Variants in FAM171A1 observed in about 807,000 individuals in gnomAD.
FAM171A1 encodes family with sequence similarity 171 member A1, also known as protein FAM171A1.
A neutral mutation model predicts 74.9 loss-of-function variants in FAM171A1; 23 were observed. The ratio of observed to expected loss-of-function variants is 0.31; its 90% CI spans 0.22 to 0.44. FAM171A1 has a LOEUF of 0.44. FAM171A1 is among the 20% of genes least tolerant of loss of function. The probability of loss-of-function intolerance (pLI) is 1.00; values close to 1 mark genes in which losing one functional copy is unlikely to be tolerated. For missense variants in FAM171A1, 1,162 were observed against 1,159.2 expected (o/e 1.00, Z -0.03); for synonymous variants, 527 against 505.7 (o/e 1.04, Z -0.57).
Position 15,371,106 on chromosome 10 carries a change from G to T in FAM171A1, c.-54C>A. On this transcript the variant is annotated 5_prime_UTR_variant, in exon 1 of 8. Coordinates refer to ENST00000378116, the MANE Select transcript of FAM171A1 (RefSeq NM_001010924.2). ...GCTCGCCGAGAGCGGGCCGGGCGGC[G>T]GCGCGTCACGGGCGGCCGGGCGCCG... The T allele has an allele frequency of 1.2e-6, 1 of 831,958 alleles. No individual in the cohort carries two copies. Among genetic ancestry groups the T allele is most frequent in the Non-Finnish European group, 1.4e-6 (1 of 692,556 alleles). 51.5% of individuals were successfully genotyped at this position (831,958 alleles called of 1,614,324 possible).
intron 5 of FAM171A1, among the ~76,000 whole-genome samples, chr10:15,229,507 T>A (rs1446545535): frequency 7.0e-6 from 1 of 142,818 alleles, no homozygotes; most frequent in Non-Finnish European, 1.5e-5. Flanking sequence ...ACCAACACCA[T>A]CATCACCATT....
At chr10:15,220,004 T>C (rs1338677305) in intron 6 of FAM171A1, among the ~76,000 whole-genome samples, 1 of 152,236 alleles carries the variant, frequency 6.6e-6, no homozygotes, top group Non-Finnish European at 1.5e-5. Context: ...TCAGTTACTT[T>C]GTGAGTCTAA....
At position 15,214,099 on chromosome 10, in the gene FAM171A1, A is replaced by C. The variant is rs2131700502; in HGVS notation, c.1489T>G (p.Leu497Val). ...GSYNTVLSQP[L>V]FEKQDREGPA... The stretch of plus-strand genomic sequence containing the variant: ...CCTTCTCTGTCCTGCTTTTCAAATA[A>C]AGGCTGTGAGAGCACGGTGTTGTAA... The change falls in exon 8 of 8, where the codon TTA (leucine) becomes GTA (valine). Residue 497 changes from leucine to valine, a missense_variant. Transcript: ENST00000378116. 1.2e-6 allele frequency: 2 copies of C among 1,614,072 alleles called. No homozygotes were observed. The highest frequency in any genetic ancestry group is 1.7e-6 in the Non-Finnish European group (2 of 1,180,008).
At chr10:15,345,453 G>A (rs752441237) in intron 1 of FAM171A1, among the ~76,000 whole-genome samples, 1 of 152,210 alleles carries the variant, frequency 6.6e-6, no homozygotes, top group Non-Finnish European at 1.5e-5. Flanking sequence ...AACACCTGAT[G>A]CTTTAGGAAG....
intron 1 of FAM171A1, among the ~76,000 whole-genome samples, chr10:15,359,755 T>A (rs186098341): frequency 6.6e-6 from 1 of 152,116 alleles, no homozygotes; most frequent in Admixed American, 6.5e-5. Flanking sequence ...CAACTGGACA[T>A]GCAGGAGGCC....
intron 1 of FAM171A1, among the ~76,000 whole-genome samples, chr10:15,329,928 A>C (rs71485560): frequency 0.072 from 10,984 of 152,274 alleles, 511 homozygotes; most frequent in Middle Eastern, 0.11. Flanking sequence ...GCCACTTTTA[A>C]GTTGTTTCTG....
At position 15,336,339 on chromosome 10, in the gene FAM171A1, A is replaced by C. The variant is rs535487189; in HGVS notation, c.97+34617T>G. On this transcript the variant is annotated intron_variant, in intron 1 of 7. Transcript: ENST00000378116. Reference sequence around the variant, plus strand: ...GATTTTTTTTTTTTTAAAAGGACCAAATAGGGCAGTTTTATCATATACAAT... The same window carrying C: ...GATTTTTTTTTTTTTAAAAGGACCACATAGGGCAGTTTTATCATATACAAT... 2.6e-5 allele frequency among the ~76,000 whole-genome samples: 4 copies of C among 152,122 alleles called. No homozygotes were observed. In the East Asian group the frequency reaches 7.7e-4, roughly 29 times the overall value.
At chr10:15,249,472 T>C (rs1275415860) in intron 4 of FAM171A1, among the ~76,000 whole-genome samples, 2 of 152,176 alleles carry the variant, frequency 1.3e-5, no homozygotes, top group Non-Finnish European at 2.9e-5. Flanking sequence ...TTCTATAATG[T>C]GAGACAAAGG....
chr10:15,336,823 G>C (rs2131865560), intron 1 of FAM171A1, among the ~76,000 whole-genome samples: 1 of 152,198 alleles, frequency 6.6e-6, no homozygotes, highest in East Asian at 1.9e-4. Flanking sequence ...AATGAATATG[G>C]GGCCACCTAC....
intron 1 of FAM171A1, among the ~76,000 whole-genome samples, chr10:15,343,462 T>A (rs2131872421): frequency 6.6e-6 from 1 of 152,294 alleles, no homozygotes; most frequent in South Asian, 2.1e-4. Context: ...TGGATCACTG[T>A]GCCATTCCAT....
At chr10:15,272,330 C>T (rs564640037) in intron 3 of FAM171A1, among the ~76,000 whole-genome samples, 12 of 152,292 alleles carry the variant, frequency 7.9e-5, no homozygotes, top group South Asian at 4.1e-4. Flanking sequence ...ATCAATTCAA[C>T]AAGAAGAGCT....
At chr10:15,281,584 G>A (rs1484917391) in intron 2 of FAM171A1, among the ~76,000 whole-genome samples, 8 of 152,132 alleles carry the variant, frequency 5.3e-5, no homozygotes, top group Non-Finnish European at 1.2e-4. Context: ...GATATCAGCC[G>A]GGCACAGTGG....
intron 1 of FAM171A1, among the ~76,000 whole-genome samples, chr10:15,290,832 G>A (rs1045144849): frequency 3.3e-5 from 5 of 152,256 alleles, no homozygotes; most frequent in East Asian, 1.9e-4. Context: ...AAACTCCCAC[G>A]GAGAGAGCTT....
At chr10:15,214,758 CTTT>C (rs1206537948) in intron 7 of FAM171A1, among the ~76,000 whole-genome samples, 157 bp from the exon 8 acceptor site, 5 of 140,404 alleles carry the variant, frequency 3.6e-5, no homozygotes, top group Admixed American at 7.1e-5. Context: ...CACGCCCTGT[CTTT>C]TTTTTTTTTT....
chr10:15,213,418 A>G lies in FAM171A1; in HGVS notation c.2170T>C (p.Tyr724His). 1.2e-6 allele frequency: 2 copies of G among 1,614,134 alleles called. No individual in the cohort carries two copies. Among genetic ancestry groups the G allele is most frequent in the Non-Finnish European group, 1.7e-6 (2 of 1,180,024 alleles). ...GRSNAHVRHS[Y>H]IDLQRAGRNG... ...CTTCCAGCTCTTTGGAGATCAATGT[A>G]TGAATGTCTAACGTGAGCGTTGGAC... Residue 724 changes from tyrosine to histidine, a missense_variant, in exon 8 of 8, where the codon TAC (tyrosine) becomes CAC (histidine). Transcript: ENST00000378116. This position sits in a 1 kb window ranked among gnomAD's most constrained non-coding sequence, Gnocchi z 6.8.
intron 6 of FAM171A1, among the ~76,000 whole-genome samples, chr10:15,218,973 T>C (rs1163756615): frequency 6.6e-6 from 1 of 152,152 alleles, no homozygotes; most frequent in Admixed American, 6.5e-5. Flanking sequence ...TGGCAGTTCC[T>C]TCATGCTGCC....
chr10:15,254,798 G>A lies in FAM171A1; in HGVS notation c.500C>T (p.Ala167Val), dbSNP rs780972854. 8.1e-6 allele frequency: 13 copies of A among 1,614,172 alleles called. No homozygotes were observed. Among genetic ancestry groups the A allele is most frequent in the South Asian group, 4.4e-5 (4 of 91,080 alleles). The stretch of plus-strand genomic sequence containing the variant: ...AGGGGAGCTGGCGGCCGTGAGAAAC[G>A]CGGTCAGGTCACTGTAGCTGGTGTT... ...PENTSYSDLT[A>V]FLTAASSPSE... is the part of the protein sequence containing the mutation. Residue 167 changes from alanine to valine, a missense_variant, in exon 4 of 8, where the codon GCG becomes GTG. By Grantham distance (64) the Ala-to-Val change is moderately conservative. Transcript: ENST00000378116.
intron 3 of FAM171A1, among the ~76,000 whole-genome samples, chr10:15,263,305 C>T (rs1464747143): frequency 1.3e-5 from 2 of 152,206 alleles, no homozygotes; most frequent in African/African-American, 4.8e-5. Context: ...ATGCCAGCCT[C>T]CCCATTCATC....
intron 1 of FAM171A1, among the ~76,000 whole-genome samples, chr10:15,314,290 C>T (rs1835398066): frequency 6.6e-6 from 1 of 152,190 alleles, no homozygotes; most frequent in Non-Finnish European, 1.5e-5. Flanking sequence ...AAGAAATCTC[C>T]ATGTGGCATG....
Sources: allele counts gnomAD v4.1 joint callset (sites outside exome capture counted in the v4.1 genomes callset), GRCh38; gene constraint gnomAD v4.1.1; non-coding constraint Gnocchi (gnomAD v3.1); transcripts MANE v1.5; gene names NCBI Gene and HGNC (gene_info 2026-07-23, HGNC 2026-07-21).